Variants in BCAS3 observed in about 807,000 individuals in gnomAD.
BCAS3 encodes the protein BCAS4/BCAS3 fusion.
In BCAS3, 53 loss-of-function variants were observed where a neutral mutation model predicts 116.1. The ratio of observed to expected loss-of-function variants is 0.46; its 90% CI spans 0.37 to 0.57. BCAS3 has a LOEUF of 0.57. Ranked by LOEUF, BCAS3 falls within the 20% of genes least tolerant of loss-of-function variation. The probability of loss-of-function intolerance (pLI) is 0.00; values close to 1 mark genes in which losing one functional copy is unlikely to be tolerated. For synonymous variants in BCAS3, 391 were observed against 408.2 expected (o/e 0.96, Z 0.51); for missense variants, 917 against 1,165.4 (o/e 0.79, Z 3.10).
At position 60,754,186 on chromosome 17, in the gene BCAS3, C is replaced by G. The variant is rs377191776; in HGVS notation, c.403+6907C>G. On this transcript the variant is annotated intron_variant, in intron 6 of 23. Coordinates refer to ENST00000407086, the MANE Select transcript of BCAS3 (RefSeq NM_017679.5). ...AAAGTGCTGGGATTACAGTGTGAGC[C>G]GCCATACCTGACTTCTTTTTTTCTT... Among the ~76,000 whole-genome samples the G allele has an allele frequency of 6.6e-5, 10 of 152,038 alleles. No individual in the cohort carries two copies. In the South Asian group the frequency reaches 2.1e-3, roughly 32 times the overall value.
rs1421395720 is a variant in BCAS3, at chr17:61,021,435, G to A, written c.1637+5534G>A. On this transcript the variant is annotated intron_variant, in intron 16 of 23. Transcript: ENST00000407086. The surrounding 1 kb of genome is among the most constrained non-coding windows in gnomAD (Gnocchi z 4.6). ...GATGCACCCTGTAGAAGTAGGTTAAGTAATGTAGTGGAAAAAATATGGAAT... is the reference window on the plus strand; with the variant it reads ...GATGCACCCTGTAGAAGTAGGTTAAATAATGTAGTGGAAAAAATATGGAAT... 6.6e-6 allele frequency among the ~76,000 whole-genome samples: 1 copy of A among 152,074 alleles called. No homozygotes were observed. Among genetic ancestry groups the A allele is most frequent in the African/African-American group, 2.4e-5 (1 of 41,386 alleles).
At chr17:60,939,872 C>T (rs576362901) in intron 13 of BCAS3, among the ~76,000 whole-genome samples, 1 of 152,084 alleles carries the variant, frequency 6.6e-6, no homozygotes, top group African/African-American at 2.4e-5. Flanking sequence ...TCTCAACAAC[C>T]TGAAAAAATG....
In BCAS3 at chr17:61,041,620, C is replaced by A. The variant is rs2067514630; in HGVS notation, c.2029+728C>A. 6.6e-6 allele frequency among the ~76,000 whole-genome samples: 1 copy of A among 152,096 alleles called. No individual in the cohort carries two copies. Among genetic ancestry groups the A allele is most frequent in the South Asian group, 2.1e-4 (1 of 4,826 alleles). On this transcript the variant is annotated intron_variant, in intron 19 of 23. Transcript: ENST00000407086. This position sits in a 1 kb window ranked among gnomAD's most constrained non-coding sequence, Gnocchi z 4.7. The stretch of plus-strand genomic sequence containing the variant: ...GAAAATTCTTAAAAATCAACATTGA[C>A]ATGTTTTTAATGAAACTTTGTTGTA...
chr17:60,924,725 A>C (rs1309138399), intron 13 of BCAS3, among the ~76,000 whole-genome samples: 3 of 152,082 alleles, frequency 2.0e-5, no homozygotes, highest in African/African-American at 7.2e-5. Flanking sequence ...TAGCTATTAA[A>C]TAGCAGCCAT....
At chr17:60,996,444 G>A (rs2063840613) in intron 15 of BCAS3, among the ~76,000 whole-genome samples, 1 of 152,214 alleles carries the variant, frequency 6.6e-6, no homozygotes, top group Admixed American at 6.5e-5. Context: ...GAAGAGATGA[G>A]TCAAGATGAC....
At chr17:60,828,933 A>G (rs1054907196) in intron 7 of BCAS3, among the ~76,000 whole-genome samples, 12 of 152,142 alleles carry the variant, frequency 7.9e-5, no homozygotes, top group Admixed American at 2.0e-4. Context: ...CATGGAGTAG[A>G]AGGTGCTGTT....
At chr17:60,726,998 T>C (rs780307450) in intron 5 of BCAS3, among the ~76,000 whole-genome samples, 1 of 152,170 alleles carries the variant, frequency 6.6e-6, no homozygotes, top group Admixed American at 6.5e-5. Context: ...TTAAGGGCTA[T>C]ATTTAACTAG....
chr17:60,856,902 C>T (rs982845947), intron 7 of BCAS3, among the ~76,000 whole-genome samples: 3 of 151,474 alleles, frequency 2.0e-5, no homozygotes. Context: ...TTTAATTAAC[C>T]CTCTTCACTG....
chr17:61,085,956 C>T (rs1370196891), intron 22 of BCAS3, among the ~76,000 whole-genome samples: 1 of 152,180 alleles, frequency 6.6e-6, no homozygotes, highest in Non-Finnish European at 1.5e-5. Context: ...CCTTCTTAAA[C>T]TACCAGATTA....
At chr17:60,732,720 T>C (rs1229895639) in intron 5 of BCAS3, among the ~76,000 whole-genome samples, 4 of 152,070 alleles carry the variant, frequency 2.6e-5, no homozygotes, top group African/African-American at 9.7e-5. Flanking sequence ...GCACCTGTAG[T>C]CCCAGCTACT....
intron 14 of BCAS3, among the ~76,000 whole-genome samples, chr17:60,966,706 C>A (rs1366153997): frequency 6.7e-6 from 1 of 149,696 alleles, no homozygotes; most frequent in African/African-American, 2.5e-5. Context: ...ACTCTGTTAC[C>A]CAGTGGCACG....
At chr17:60,953,104 G>A (rs1243222796) in intron 14 of BCAS3, among the ~76,000 whole-genome samples, 2 of 151,992 alleles carry the variant, frequency 1.3e-5, no homozygotes, top group African/African-American at 4.8e-5. Context: ...ATGGTAGAAT[G>A]TTTGATATCC....
rs1007651721 is a variant in BCAS3 at position 61,118,277 on chromosome 17, G to A, written c.2425+33713G>A. On this transcript the variant is annotated intron_variant, in intron 22 of 23. Coordinates refer to ENST00000407086, the MANE Select transcript of BCAS3 (RefSeq NM_017679.5). This position sits in a 1 kb window ranked among gnomAD's most constrained non-coding sequence, Gnocchi z 5.0. The stretch of plus-strand genomic sequence containing the variant: ...AGGTTACTACTTGGGAGAGATGGAA[G>A]TCCCGGCTCCCAACGTAGTCTCCAA... 6.6e-6 allele frequency among the ~76,000 whole-genome samples: 1 copy of A among 152,182 alleles called. No homozygotes were observed. The highest frequency in any genetic ancestry group is 2.4e-5 in the African/African-American group (1 of 41,440).
rs905522892 is a variant in BCAS3 at position 61,037,225 on chromosome 17, C to G, written c.1763-664C>G. The stretch of plus-strand genomic sequence containing the variant: ...ACATGCAGGGTAACTAAATCCTAGT[C>G]CATACATTATTCCTTTTCAGTTAGT... On this transcript the variant is annotated intron_variant, in intron 17 of 23. Coordinates refer to ENST00000407086, the MANE Select transcript of BCAS3 (RefSeq NM_017679.5). The surrounding 1 kb of genome is among the most constrained non-coding windows in gnomAD (Gnocchi z 4.7). Among the ~76,000 whole-genome samples, 2 of 152,146 alleles carry G rather than the reference C, an allele frequency of 1.3e-5. No individual in the cohort carries two copies. Among genetic ancestry groups the G allele is most frequent in the Non-Finnish European group, 2.9e-5 (2 of 68,030 alleles).
At chr17:61,238,127 A>G (rs2083206095) in intron 22 of BCAS3, among the ~76,000 whole-genome samples, 1 of 152,132 alleles carries the variant, frequency 6.6e-6, no homozygotes, top group African/African-American at 2.4e-5. Context: ...ATCTTGGCTC[A>G]CTGCAAACTC....
Position 61,256,552 on chromosome 17 carries a change from C to T in BCAS3, c.2426-111775C>T, listed in dbSNP as rs1176002138. ...CTCCTGGCCTCAAGTGATCCACCCA[C>T]CTGGGCCTCCCAAAGTGCTGGGATT... On this transcript the variant is annotated intron_variant, in intron 22 of 23. Transcript: ENST00000407086. This position sits in a 1 kb window ranked among gnomAD's most constrained non-coding sequence, Gnocchi z 5.6. Among the ~76,000 whole-genome samples, 4 of 152,082 alleles carry T rather than the reference C, an allele frequency of 2.6e-5. No homozygotes were observed. The East Asian group carries it at 5.8e-4, about 22-fold the overall frequency.
chr17:60,826,262 C>T (rs1207348505), intron 7 of BCAS3, among the ~76,000 whole-genome samples: 11 of 151,864 alleles, frequency 7.2e-5, no homozygotes, highest in African/African-American at 2.2e-4. Flanking sequence ...CGTCTTACTG[C>T]GGCCTTCACC....
chr17:60,685,760 GAGCC>G (rs1461314128), intron 3 of BCAS3, among the ~76,000 whole-genome samples: 2 of 152,138 alleles, frequency 1.3e-5, no homozygotes, highest in Non-Finnish European at 2.9e-5. Flanking sequence ...ATAATCAGAT[GAGCC>G]AGATACATTA....
At chr17:60,754,012 A>T (rs1419199392) in intron 6 of BCAS3, among the ~76,000 whole-genome samples, 1 of 151,904 alleles carries the variant, frequency 6.6e-6, no homozygotes, top group Non-Finnish European at 1.5e-5. Context: ...ATAAATTATC[A>T]GTGATCAAAT....
Sources: allele counts gnomAD v4.1 joint callset (sites outside exome capture counted in the v4.1 genomes callset), GRCh38; gene constraint gnomAD v4.1.1; non-coding constraint Gnocchi (gnomAD v3.1); transcripts MANE v1.5; gene names NCBI Gene and HGNC (gene_info 2026-07-23, HGNC 2026-07-21).